CDC42BPA: variants seen among roughly 807,000 people sequenced by gnomAD.
The protein encoded by CDC42BPA is serine/threonine-protein kinase MRCK alpha.
In CDC42BPA, 80 loss-of-function variants were observed where a neutral mutation model predicts 223.5. That is an observed-to-expected ratio of 0.36 (90% CI 0.30 to 0.43). The LOEUF is 0.43. Ranked by LOEUF, CDC42BPA falls within the 20% of genes least tolerant of loss-of-function variation. The pLI is 1.00. For missense variants in CDC42BPA, 1,743 were observed against 2,099.9 expected, an observed-to-expected ratio of 0.83 and a Z score of 3.32; for synonymous variants, 694 against 718.6, an observed-to-expected ratio of 0.97 and a Z score of 0.55.
At chr1:227,194,959 A>G (rs1180542472) in intron 4 of CDC42BPA, among the ~76,000 whole-genome samples, 1 of 110,720 alleles carries the variant, frequency 9.0e-6, no homozygotes, top group African/African-American at 3.2e-5. Flanking sequence ...AGGTTTTATT[A>G]CAGAATGAAG....
chr1:227,122,937 T>C (rs1688911021), intron 11 of CDC42BPA, among the ~76,000 whole-genome samples: 1 of 152,230 alleles, frequency 6.6e-6, no homozygotes, highest in Non-Finnish European at 1.5e-5. Context: ...GAGACTATTA[T>C]AAATACCCAA....
intron 2 of CDC42BPA, among the ~76,000 whole-genome samples, chr1:227,251,331 T>C (rs1472864909): frequency 6.6e-6 from 1 of 151,220 alleles, no homozygotes; most frequent in African/African-American, 2.4e-5. Flanking sequence ...TAAAAGAAGA[T>C]AAAATTGGGA....
chr1:227,174,860 C>T (rs138143315), intron 5 of CDC42BPA, among the ~76,000 whole-genome samples: 1 of 152,182 alleles, frequency 6.6e-6, no homozygotes, highest in South Asian at 2.1e-4. Flanking sequence ...CTAAGTTTCA[C>T]TAAGTTTCAT....
intron 32 of CDC42BPA, among the ~76,000 whole-genome samples, chr1:227,020,537 C>T (rs1667174487): frequency 6.6e-6 from 1 of 152,172 alleles, no homozygotes; most frequent in South Asian, 2.1e-4. Context: ...TCTCATAAGC[C>T]AAACTCTGCT....
chr1:227,011,009 T>C, intron 34 of CDC42BPA: 1 of 1,360,828 alleles, frequency 7.3e-7, no homozygotes, highest in Non-Finnish European at 9.8e-7. Context: ...TCAAAGTTGA[T>C]CGGAGAGGAG....
intron 2 of CDC42BPA, among the ~76,000 whole-genome samples, chr1:227,236,786 G>C (rs1213873704): frequency 6.6e-6 from 1 of 152,016 alleles, no homozygotes; most frequent in Admixed American, 6.6e-5. Context: ...TATCATATAA[G>C]GCCGGGCACA....
At chr1:227,011,699 T>TCAA (rs1665247014) in intron 34 of CDC42BPA, among the ~76,000 whole-genome samples, 1 of 152,226 alleles carries the variant, frequency 6.6e-6, no homozygotes, top group Admixed American at 6.5e-5. Flanking sequence ...CAGGTATATT[T>TCAA]TTTAAAAATG....
chr1:227,173,343 G>C (rs968878978), intron 5 of CDC42BPA, among the ~76,000 whole-genome samples: 11 of 152,192 alleles, frequency 7.2e-5, no homozygotes, highest in African/African-American at 2.7e-4. Context: ...AGAGAGGTCT[G>C]GCTTTTATCC....
At chr1:227,278,404 A>C (rs1687479737) in intron 1 of CDC42BPA, among the ~76,000 whole-genome samples, 1 of 152,258 alleles carries the variant, frequency 6.6e-6, no homozygotes, top group Non-Finnish European at 1.5e-5. Context: ...TGGCAAAGCC[A>C]GTCCTCACTG....
intron 5 of CDC42BPA, among the ~76,000 whole-genome samples, chr1:227,169,345 T>C (rs1367122260): frequency 6.6e-6 from 1 of 152,198 alleles, no homozygotes; most frequent in Admixed American, 6.5e-5. Context: ...TCCCTGAACA[T>C]AATAAATGTT....
intron 10 of CDC42BPA, among the ~76,000 whole-genome samples, chr1:227,134,551 G>A (rs12145153): frequency 6.6e-6 from 1 of 152,050 alleles, no homozygotes; most frequent in Non-Finnish European, 1.5e-5. Context: ...TTTATTGTCT[G>A]TCTCCTCAAA....
At chr1:227,133,345 G>A (rs1325268962) in intron 10 of CDC42BPA, among the ~76,000 whole-genome samples, 12 of 151,282 alleles carry the variant, frequency 7.9e-5, no homozygotes, top group Non-Finnish European at 1.8e-4. Flanking sequence ...AGGTGGGGGC[G>A]GACAGCCCCC....
At chr1:227,000,004 C>T (rs1013431744) in intron 35 of CDC42BPA, among the ~76,000 whole-genome samples, 3 of 151,828 alleles carry the variant, frequency 2.0e-5, no homozygotes, top group South Asian at 2.1e-4. Context: ...ATGTAGATGA[C>T]GGGTTGATGG....
intron 1 of CDC42BPA, among the ~76,000 whole-genome samples, chr1:227,262,565 T>C (rs899530037): frequency 2.6e-5 from 4 of 152,178 alleles, no homozygotes; most frequent in African/African-American, 9.7e-5. Flanking sequence ...TTCTAAAGGA[T>C]ACTAAGAATA....
intron 2 of CDC42BPA, among the ~76,000 whole-genome samples, chr1:227,235,888 T>TA (rs1678921425): frequency 6.6e-6 from 1 of 152,170 alleles, no homozygotes; most frequent in African/African-American, 2.4e-5. Context: ...TAAATTCCCA[T>TA]ATATAATCAG....
chr1:227,233,296 C>T (rs1325713526), intron 2 of CDC42BPA, among the ~76,000 whole-genome samples: 1 of 152,144 alleles, frequency 6.6e-6, no homozygotes, highest in East Asian at 1.9e-4. Flanking sequence ...CTTGGCCTCC[C>T]AAAGTGCTAG....
chr1:227,216,716 A>G (rs1169268600), intron 2 of CDC42BPA, among the ~76,000 whole-genome samples: 5 of 152,222 alleles, frequency 3.3e-5, no homozygotes, highest in Admixed American at 6.5e-5. Flanking sequence ...AGCTTAACAT[A>G]TAACAGTGTA....
intron 14 of CDC42BPA, among the ~76,000 whole-genome samples, chr1:227,106,331 A>G (rs963414121): frequency 4.6e-5 from 7 of 152,104 alleles, no homozygotes; most frequent in African/African-American, 1.4e-4. Flanking sequence ...TATAATCTGG[A>G]TATTAAATTG....
At chr1:227,302,417 A>C (rs1030022104) in intron 1 of CDC42BPA, among the ~76,000 whole-genome samples, 21 of 152,230 alleles carry the variant, frequency 1.4e-4, no homozygotes, top group African/African-American at 5.1e-4. Flanking sequence ...ATTTCAGTTT[A>C]GAAACTGTTT....
Sources: gnomAD v4.1 joint callset for allele counts (sites outside exome capture counted in the v4.1 genomes callset) on GRCh38, gnomAD v4.1.1 for gene constraint, MANE v1.5 for transcripts, NCBI Gene and HGNC (gene_info 2026-07-23, HGNC 2026-07-21) for gene names.